TUBB3: variants seen among roughly 807,000 people sequenced by gnomAD.
The protein encoded by TUBB3 is tubulin beta 3 class III.
Under a neutral mutation model 37.8 loss-of-function variants are expected in TUBB3, and 17 were observed. The observed-to-expected ratio is 0.45, with a 90% CI of 0.31 to 0.67. The LOEUF (loss-of-function observed/expected upper bound fraction) is 0.67, where lower values mean the gene tolerates loss of function less well. TUBB3 is among the 30% of genes least tolerant of loss of function. TUBB3 has a pLI of 0.07. For missense variants in TUBB3, 262 were observed against 657.9 expected, an observed-to-expected ratio of 0.40 and a Z score of 6.58; for synonymous variants, 332 against 278.9, an observed-to-expected ratio of 1.19 and a Z score of -1.90.
In TUBB3 at chr16:89,935,321, C is replaced by A. The variant is rs1203612751; in HGVS notation, c.870C>A (p.Thr290=). 1 of 1,613,726 alleles carries A rather than the reference C, an allele frequency of 6.2e-7. No homozygotes were observed. Among genetic ancestry groups the A allele is most frequent in the African/African-American group, 1.3e-5 (1 of 74,950 alleles). The change falls in exon 4 of 4, where the codon ACC becomes ACA. Residue 290 remains threonine (T), a synonymous_variant. Coordinates refer to ENST00000315491, the MANE Select transcript of TUBB3 (RefSeq NM_006086.4). ...QYRALTVPEL[T]QQMFDAKNMM... The stretch of plus-strand genomic sequence containing the variant: ...GGGCCCTGACCGTGCCCGAGCTCAC[C>A]CAGCAGATGTTCGATGCCAAGAACA...
chr16:89,934,916 G>A lies in TUBB3; in HGVS notation c.465G>A (p.Val155=). 6.2e-7 allele frequency: 1 copy of A among 1,614,150 alleles called. No individual in the cohort carries two copies. Among genetic ancestry groups the A allele is most frequent in the Non-Finnish European group, 8.5e-7 (1 of 1,180,012 alleles). Reference sequence around the variant, plus strand: ...TGGGCACGTTGCTCATCAGCAAGGTGCGTGAGGAGTATCCCGACCGCATCA... The same window carrying A: ...TGGGCACGTTGCTCATCAGCAAGGTACGTGAGGAGTATCCCGACCGCATCA... ...SGMGTLLISK[V]REEYPDRIMN... is the part of the protein sequence containing the mutation. Residue 155 remains valine, a synonymous_variant, in exon 4 of 4, where the codon GTG becomes GTA. Coordinates refer to ENST00000315491, the MANE Select transcript of TUBB3 (RefSeq NM_006086.4).
chr16:89,923,353 G>A lies in TUBB3; in HGVS notation c.-49G>A, dbSNP rs755595558. On this transcript the variant is annotated 5_prime_UTR_variant, in exon 1 of 4. Coordinates refer to ENST00000315491, the MANE Select transcript of TUBB3 (RefSeq NM_006086.4). ...CGCGGTCCCCGACCCTCAGCAGCCA[G>A]CCCGGCCCGCCCGCGCCCGTCCGCA... The A allele has an allele frequency of 1.4e-6, 2 of 1,428,020 alleles. No individual in the cohort carries two copies. Among genetic ancestry groups the A allele is most frequent in the South Asian group, 1.3e-5 (1 of 74,188 alleles). The allele number at this position is 1,428,020 out of a possible 1,614,324, so 88.5% of individuals were successfully genotyped here.
chr16:89,934,563 G>C (rs1158103050), intron 3 of TUBB3, 166 bp from the exon 4 acceptor site: 1 of 720,938 alleles, frequency 1.4e-6, no homozygotes, highest in Non-Finnish European at 2.4e-6. Flanking sequence ...TCGGCTCAGG[G>C]AAGCCACGGC....
In TUBB3 at chr16:89,932,692, C is replaced by A. The variant is rs983754382; in HGVS notation, c.166+13C>A. On this transcript the variant is annotated intron_variant, in intron 2 of 3. Coordinates refer to ENST00000315491, the MANE Select transcript of TUBB3 (RefSeq NM_006086.4). ...AACGAGGCCTCTTGTGAGTGCCTGC[C>A]CCAGCCTCCCTATCCCAGCCCTGGA... The A allele has an allele frequency of 6.2e-7, 1 of 1,604,722 alleles. No individual in the cohort carries two copies. Among genetic ancestry groups the A allele is most frequent in the Non-Finnish European group, 8.5e-7 (1 of 1,172,172 alleles).
chr16:89,928,450 C>G (rs1173730803), intron 1 of TUBB3, among the ~76,000 whole-genome samples: 1 of 151,956 alleles, frequency 6.6e-6, no homozygotes, highest in African/African-American at 2.4e-5. Context: ...CCTCCACCTC[C>G]TGGGTTCAAG....
At chr16:89,923,331 G>T (rs1480041554), upstream of TUBB3, 2 of 1,302,198 alleles carry the variant, frequency 1.5e-6, no homozygotes, top group Non-Finnish European at 9.9e-7. Flanking sequence ...GCGCGGCCGC[G>T]GTCCCCGACC....
chr16:89,932,802 G>T (rs1214623718), intron 2 of TUBB3, 123 bp downstream of exon 2: 3 of 804,988 alleles, frequency 3.7e-6, no homozygotes, highest in Non-Finnish European at 6.3e-6. Flanking sequence ...CATGGGTTAG[G>T]TTGGCTGAGA....
upstream of TUBB3, among the ~76,000 whole-genome samples, chr16:89,923,077 G>A (rs2029941276): frequency 6.6e-6 from 1 of 152,170 alleles, no homozygotes; most frequent in Non-Finnish European, 1.5e-5. Context: ...CTGGAGCCCG[G>A]CGCCCCCACA....
chr16:89,934,925 G>A lies in TUBB3; in HGVS notation c.474G>A (p.Glu158=). 2 of 1,614,150 alleles carry A rather than the reference G, an allele frequency of 1.2e-6. No individual in the cohort carries two copies. Among genetic ancestry groups the A allele is most frequent in the South Asian group, 1.1e-5 (1 of 91,092 alleles). ...TGCTCATCAGCAAGGTGCGTGAGGA[G>A]TATCCCGACCGCATCATGAACACCT... is the stretch of plus-strand genomic sequence containing the variant. ...GTLLISKVRE[E]YPDRIMNTFS... Residue 158 remains glutamate, a synonymous_variant, in exon 4 of 4, where the codon GAG becomes GAA. Transcript: ENST00000315491.
intron 1 of TUBB3, 74 bp downstream of exon 1, chr16:89,923,532 C>A: frequency 1.6e-6 from 2 of 1,271,200 alleles, no homozygotes; most frequent in Non-Finnish European, 2.0e-6. Context: ...GCGGGCCGCA[C>A]CTCCAGCTGC....
rs1206294661 is a variant in TUBB3, at chr16:89,935,771, C to T, written c.1320C>T (p.Asp440=). ...AEEEGEMYED[D]EEESEAQGPK is the part of the protein sequence containing the mutation. ...AAGAGGGCGAGATGTACGAAGACGA[C>T]GAGGAGGAGTCGGAGGCCCAGGGCC... Residue 440 remains aspartate, a synonymous_variant, in exon 4 of 4, where the codon GAC becomes GAT. Transcript: ENST00000315491. 6.8e-6 allele frequency: 11 copies of T among 1,613,768 alleles called. No individual in the cohort carries two copies. The highest frequency in any genetic ancestry group is 1.1e-5 in the South Asian group (1 of 91,084).
At position 89,923,345 on chromosome 16, in the gene TUBB3, A is replaced by G. The variant is rs2029952155; in HGVS notation, c.-57A>G. The G allele has an allele frequency of 2.1e-6, 3 of 1,409,136 alleles. No individual in the cohort carries two copies. Among genetic ancestry groups the G allele is most frequent in the Non-Finnish European group, 2.8e-6 (3 of 1,070,604 alleles). 87.3% of individuals were successfully genotyped at this position (1,409,136 alleles called of 1,614,324 possible). On this transcript the variant is annotated 5_prime_UTR_variant, in exon 1 of 4. Transcript: ENST00000315491. ...CGCGCGGCCGCGGTCCCCGACCCTCAGCAGCCAGCCCGGCCCGCCCGCGCC... is the reference window on the plus strand; with the variant it reads ...CGCGCGGCCGCGGTCCCCGACCCTCGGCAGCCAGCCCGGCCCGCCCGCGCC...
At chr16:89,929,031 C>T (rs955744529) in intron 1 of TUBB3, among the ~76,000 whole-genome samples, 5 of 147,778 alleles carry the variant, frequency 3.4e-5, no homozygotes, top group Non-Finnish European at 7.4e-5. Context: ...GGCTTGATCT[C>T]AGCTCACTGC....
chr16:89,926,903 G>C (rs1007263330), intron 1 of TUBB3, among the ~76,000 whole-genome samples: 14 of 151,742 alleles, frequency 9.2e-5, no homozygotes, highest in African/African-American at 3.1e-4. Context: ...TTTTACTAGA[G>C]ATGGGGTTTC....
chr16:89,923,328 C>G, upstream of TUBB3: 1 of 1,280,726 alleles, frequency 7.8e-7, no homozygotes, highest in Non-Finnish European at 1.0e-6. Context: ...AGCGCGCGGC[C>G]GCGGTCCCCG....
In TUBB3 at chr16:89,924,329, C is replaced by A. The variant is rs565063075; in HGVS notation, c.57+871C>A. Among the ~76,000 whole-genome samples, 3 of 152,330 alleles carry A rather than the reference C, an allele frequency of 2.0e-5. No individual in the cohort carries two copies. In the East Asian group the frequency reaches 5.8e-4, roughly 29 times the overall value. ...AGGCTGTCCCTGGCCCAAGGTCACACAGCAGGTGCGAGAGAGCTGGGCTGG... is the reference window on the plus strand; with the variant it reads ...AGGCTGTCCCTGGCCCAAGGTCACAAAGCAGGTGCGAGAGAGCTGGGCTGG... On this transcript the variant is annotated intron_variant, in intron 1 of 3. Coordinates refer to ENST00000315491, the MANE Select transcript of TUBB3 (RefSeq NM_006086.4).
chr16:89,926,767 G>C (rs985442146), intron 1 of TUBB3, among the ~76,000 whole-genome samples: 4 of 151,734 alleles, frequency 2.6e-5, no homozygotes, highest in African/African-American at 9.7e-5. Context: ...GCCCAGGCTG[G>C]AGTGCAGTGG....
Position 89,928,034 on chromosome 16 carries a change from G to T in TUBB3, c.58-4537G>T, listed in dbSNP as rs1156493346. ...TAGGGAGGCAAGCAGTAGGTGGGAAGCTTGGACAAGCCCCAAATGCCTCAG... is the reference window on the plus strand; with the variant it reads ...TAGGGAGGCAAGCAGTAGGTGGGAATCTTGGACAAGCCCCAAATGCCTCAG... On this transcript the variant is annotated intron_variant, in intron 1 of 3. Transcript: ENST00000315491. 2.0e-5 allele frequency among the ~76,000 whole-genome samples: 3 copies of T among 152,122 alleles called. No homozygotes were observed. In the East Asian group the frequency reaches 5.8e-4, roughly 29 times the overall value.
chr16:89,930,266 G>T (rs968579331), intron 1 of TUBB3, among the ~76,000 whole-genome samples: 2 of 151,496 alleles, frequency 1.3e-5, no homozygotes, highest in African/African-American at 4.9e-5. Context: ...CACCATGCCT[G>T]GCTAATTTTT....
Sources: gnomAD v4.1 joint callset for allele counts (sites outside exome capture counted in the v4.1 genomes callset) on GRCh38, gnomAD v4.1.1 for gene constraint, MANE v1.5 for transcripts, NCBI Gene and HGNC (gene_info 2026-07-23, HGNC 2026-07-21) for gene names.